Variants in TTBK2 observed in about 807,000 individuals in gnomAD.
TTBK2 encodes tau-tubulin kinase 2.
A neutral mutation model predicts 110.8 loss-of-function variants in TTBK2; 28 were observed. The observed-to-expected ratio is 0.25, with a 90% CI of 0.19 to 0.35. The LOEUF is 0.35. TTBK2 is among the 10% of genes least tolerant of loss of function. TTBK2 has a pLI of 1.00. For synonymous variants in TTBK2, 532 were observed against 527.3 expected, an observed-to-expected ratio of 1.01 and a Z score of -0.12; for missense variants, 1,369 against 1,500.3, an observed-to-expected ratio of 0.91 and a Z score of 1.45.
chr15:42,800,868 C>G (rs1218550347), intron 9 of TTBK2: 2 of 609,134 alleles, frequency 3.3e-6, no homozygotes, highest in Non-Finnish European at 5.8e-6. Context: ...TAGGGCTGAG[C>G]CTCGGGTGGG....
intron 1 of TTBK2, among the ~76,000 whole-genome samples, chr15:42,881,877 A>T (rs1895063899): frequency 6.6e-6 from 1 of 152,162 alleles, no homozygotes; most frequent in Non-Finnish European, 1.5e-5. Flanking sequence ...TCTCAAAAAA[A>T]AAAATAAAAA....
At chr15:42,883,460 TA>T (rs1261951917) in intron 1 of TTBK2, among the ~76,000 whole-genome samples, 2 of 151,816 alleles carry the variant, frequency 1.3e-5, no homozygotes, top group African/African-American at 4.8e-5. Flanking sequence ...TGCGTTATTT[TA>T]GGTAATGTAA....
intron 3 of TTBK2, among the ~76,000 whole-genome samples, chr15:42,868,105 T>C (rs1894454019): frequency 6.6e-6 from 1 of 152,164 alleles, no homozygotes; most frequent in Non-Finnish European, 1.5e-5. Flanking sequence ...AGATTAGTCA[T>C]TACCAGAGTT....
intron 9 of TTBK2, among the ~76,000 whole-genome samples, chr15:42,807,144 T>C (rs1041826393): frequency 2.0e-5 from 3 of 152,214 alleles, no homozygotes; most frequent in Non-Finnish European, 2.9e-5. Context: ...TACATTTAAA[T>C]AGCCCCATTC....
chr15:42,860,161 G>A (rs897698265), intron 3 of TTBK2, among the ~76,000 whole-genome samples: 1 of 151,872 alleles, frequency 6.6e-6, no homozygotes, highest in Non-Finnish European at 1.5e-5. Flanking sequence ...AGAGAGAAAG[G>A]AACAGGTAAC....
At chr15:42,814,396 T>C (rs933285458) in intron 7 of TTBK2, among the ~76,000 whole-genome samples, 8 of 152,020 alleles carry the variant, frequency 5.3e-5, no homozygotes, top group African/African-American at 1.4e-4. Context: ...TTGGGCAACA[T>C]AGCAAGACTG....
intron 13 of TTBK2, among the ~76,000 whole-genome samples, chr15:42,764,350 A>G (rs940276006): frequency 6.6e-6 from 1 of 152,246 alleles, no homozygotes; most frequent in Non-Finnish European, 1.5e-5. Flanking sequence ...TCCCTTCCCT[A>G]GCCAAGGGAA....
At chr15:42,914,174 C>T (rs144884699) in intron 1 of TTBK2, among the ~76,000 whole-genome samples, 4,470 of 151,974 alleles carry the variant, frequency 0.029, 89 homozygotes, top group South Asian at 0.075. Flanking sequence ...GACAGGGTTT[C>T]ACCATATTGG....
intron 6 of TTBK2, among the ~76,000 whole-genome samples, chr15:42,823,414 A>G (rs8042658): frequency 0.011 from 1,734 of 152,334 alleles, 31 homozygotes; most frequent in African/African-American, 0.039. Context: ...TAACTAATAC[A>G]TCTTAAAGGT....
rs1412763287 is a variant in TTBK2, at chr15:42,848,574, T to G, written c.218-8141A>C. Reference sequence around the variant, plus strand: ...GGTGCGATCTCAGCTCACTGCAACCTCCACCTCCCGGGTTAAAGCGATTAT... The same window carrying G: ...GGTGCGATCTCAGCTCACTGCAACCGCCACCTCCCGGGTTAAAGCGATTAT... On this transcript the variant is annotated intron_variant, in intron 3 of 14. Transcript: ENST00000267890. Among the ~76,000 whole-genome samples the G allele has an allele frequency of 2.6e-5, 4 of 151,890 alleles. No homozygotes were observed. In the East Asian group the frequency reaches 7.7e-4, roughly 29 times the overall value.
At chr15:42,824,075 A>G (rs955020134) in intron 6 of TTBK2, among the ~76,000 whole-genome samples, 4 of 152,086 alleles carry the variant, frequency 2.6e-5, no homozygotes, top group Non-Finnish European at 4.4e-5. Flanking sequence ...TCTTTTTAAC[A>G]ATCAGCTCTC....
intron 9 of TTBK2, among the ~76,000 whole-genome samples, chr15:42,809,279 T>C (rs915230141): frequency 4.6e-5 from 7 of 152,246 alleles, no homozygotes; most frequent in Non-Finnish European, 8.8e-5. Flanking sequence ...CTTTGTTTTG[T>C]TATTAAGTGA....
intron 5 of TTBK2, among the ~76,000 whole-genome samples, chr15:42,829,266 A>C (rs2140983914): frequency 6.6e-6 from 1 of 152,342 alleles, no homozygotes; most frequent in East Asian, 1.9e-4. Flanking sequence ...GGAAATGACA[A>C]TTTCTAAGAC....
intron 1 of TTBK2, among the ~76,000 whole-genome samples, chr15:42,891,790 G>A (rs978136651): frequency 1.3e-5 from 2 of 152,160 alleles, no homozygotes; most frequent in African/African-American, 2.4e-5. Context: ...GGGGATTGTG[G>A]GAAGGCCCAA....
intron 1 of TTBK2, among the ~76,000 whole-genome samples, chr15:42,904,741 A>T (rs1187427709): frequency 6.6e-6 from 1 of 152,170 alleles, no homozygotes; most frequent in Non-Finnish European, 1.5e-5. Flanking sequence ...TAGATTATAA[A>T]CTCCTTGAAG....
intron 3 of TTBK2, among the ~76,000 whole-genome samples, chr15:42,865,523 A>C (rs4924698): frequency 2.0e-5 from 3 of 150,200 alleles, no homozygotes; most frequent in South Asian, 2.1e-4. Context: ...TAAAAAAAAA[A>C]AAAAAACCAA....
rs1340879200 is a variant in TTBK2 at position 42,829,968 on chromosome 15, A to C, written c.402T>G (p.Ser134=). ...QILESIESIH[S]VGFLHRDIKP... ...TGATGTCTCGATGCAAGAATCCCACAGAATGAATGCTTTCAATAGACTCCA... is the reference window on the plus strand; with the variant it reads ...TGATGTCTCGATGCAAGAATCCCACCGAATGAATGCTTTCAATAGACTCCA... The change falls in exon 5 of 15, where the codon TCT becomes TCG. Residue 134 remains serine (S), a synonymous_variant. Transcript: ENST00000267890. 1.2e-6 allele frequency: 2 copies of C among 1,614,072 alleles called. No individual in the cohort carries two copies. The highest frequency in any genetic ancestry group is 1.3e-5 in the African/African-American group (1 of 74,930).
At chr15:42,912,431 G>A (rs537234800) in intron 1 of TTBK2, among the ~76,000 whole-genome samples, 30 of 152,322 alleles carry the variant, frequency 2.0e-4, no homozygotes, top group African/African-American at 7.0e-4. Context: ...CTTTGGCCAG[G>A]CCTGATGGCT....
chr15:42,855,005 T>C (rs1893871740), intron 3 of TTBK2: 1 of 152,206 alleles, frequency 6.6e-6, no homozygotes, highest in Non-Finnish European at 1.5e-5. Context: ...AAGCATAATA[T>C]AAAAGTCAAG....
Sources: gnomAD v4.1 joint callset for allele counts (sites outside exome capture counted in the v4.1 genomes callset) on GRCh38, gnomAD v4.1.1 for gene constraint, MANE v1.5 for transcripts, NCBI Gene and HGNC (gene_info 2026-07-23, HGNC 2026-07-21) for gene names.